The following EDNRA variants were observed in gnomAD, a reference collection of about 807,000 sequenced individuals.
EDNRA encodes the protein endothelin receptor type A.
EDNRA carries 11 observed loss-of-function variants against 41.4 expected under a neutral mutation model. The ratio of observed to expected loss-of-function variants is 0.27; its 90% CI spans 0.17 to 0.44. The LOEUF is 0.44. Among genes scored for constraint, EDNRA ranks in the 20% least tolerant of loss-of-function variants. EDNRA has a pLI of 1.00. For missense variants in EDNRA, 294 were observed against 531.0 expected (o/e 0.55, Z 4.39); for synonymous variants, 172 against 183.0 (o/e 0.94, Z 0.49).
chr4:147,500,051 C>T (rs964459027), intron 2 of EDNRA, among the ~76,000 whole-genome samples: 26 of 151,802 alleles, frequency 1.7e-4, no homozygotes, highest in African/African-American at 5.1e-4. Flanking sequence ...GTGGTCTGCC[C>T]GCCTCAGCCT....
At chr4:147,492,089 T>G (rs574219052) in intron 2 of EDNRA, 1 of 152,420 alleles carries the variant, frequency 6.6e-6, no homozygotes, top group South Asian at 2.1e-4. Context: ...GATCTCAGCT[T>G]AATCATCTCT....
intron 2 of EDNRA, among the ~76,000 whole-genome samples, chr4:147,509,001 A>G (rs1365386852): frequency 6.6e-6 from 1 of 152,230 alleles, no homozygotes; most frequent in Non-Finnish European, 1.5e-5. Context: ...TAGGAATTGC[A>G]TTGACCCTTT....
In EDNRA at chr4:147,481,131, G is replaced by A. The variant is rs1728735028; in HGVS notation, c.-316G>A. 6.6e-6 allele frequency: 1 copy of A among 152,264 alleles called. No individual in the cohort carries two copies. The highest frequency in any genetic ancestry group is 2.1e-4 in the South Asian group (1 of 4,838). 9.4% of individuals were successfully genotyped at this position (152,264 alleles called of 1,614,324 possible). A position where few individuals can be genotyped will look rare whatever the true frequency, so the allele number is the denominator to read the frequency against. ...GCTGGTCTGACGATTGTGGAGAGGC[G>A]GTGGAGAGGCTTCATCCATCCCACC... On this transcript the variant is annotated 5_prime_UTR_variant, in exon 1 of 8. Coordinates refer to ENST00000651419, the MANE Select transcript of EDNRA (RefSeq NM_001957.4).
intron 3 of EDNRA, among the ~76,000 whole-genome samples, chr4:147,532,093 A>C (rs1391700916): frequency 6.7e-6 from 1 of 149,064 alleles, no homozygotes; most frequent in Non-Finnish European, 1.5e-5. Flanking sequence ...CAGACGGATC[A>C]CGAGGTCAGG....
chr4:147,487,196 C>T (rs773023587), intron 2 of EDNRA, among the ~76,000 whole-genome samples: 5 of 152,144 alleles, frequency 3.3e-5, no homozygotes, highest in Non-Finnish European at 5.9e-5. Context: ...AGCCAGACAC[C>T]TCCCACCAGT....
Position 147,544,840 on chromosome 4 carries a change from A to G in EDNRA, c.*2222A>G, listed in dbSNP as rs1731235372. ...TGGTTTACTAGCAGGAATATTTCCA[A>G]TTTCTACCTTTACTACATCTTTTCA... is the stretch of plus-strand genomic sequence containing the variant. On this transcript the variant is annotated 3_prime_UTR_variant, in exon 8 of 8. Coordinates refer to ENST00000651419, the MANE Select transcript of EDNRA (RefSeq NM_001957.4). The G allele has an allele frequency of 6.6e-6, 1 of 152,618 alleles. No individual in the cohort carries two copies. The highest frequency in any genetic ancestry group is 1.5e-5 in the Non-Finnish European group (1 of 68,032). The allele number at this position is 152,618 out of a possible 1,614,324, so 9.5% of individuals were successfully genotyped here. A position where few individuals can be genotyped will look rare whatever the true frequency, so the allele number is the denominator to read the frequency against.
intron 5 of EDNRA, among the ~76,000 whole-genome samples, chr4:147,538,897 T>C (rs1731003887): frequency 6.6e-6 from 1 of 152,226 alleles, no homozygotes; most frequent in Non-Finnish European, 1.5e-5. Flanking sequence ...CAGTTTTATT[T>C]TGACATTAAC....
chr4:147,526,676 G>T (rs1730561143), intron 3 of EDNRA, among the ~76,000 whole-genome samples: 1 of 152,190 alleles, frequency 6.6e-6, no homozygotes, highest in Admixed American at 6.5e-5. Flanking sequence ...ATTGGAATTG[G>T]CCAAGCAGTT....
rs1370562714 is a variant in EDNRA at position 147,481,275 on chromosome 4, A to T, written c.-172A>T. The T allele has an allele frequency of 2.6e-5, 4 of 153,034 alleles. No homozygotes were observed. Among genetic ancestry groups the T allele is most frequent in the Non-Finnish European group, 5.9e-5 (4 of 68,328 alleles). 9.5% of individuals were successfully genotyped at this position (153,034 alleles called of 1,614,324 possible). A position where few individuals can be genotyped will look rare whatever the true frequency, so the allele number is the denominator to read the frequency against. The stretch of plus-strand genomic sequence containing the variant: ...AGCCGCCGCCGCGCCGGAGCCCGGG[A>T]CACCGGCCACCCTCCGCGCCACCCA... On this transcript the variant is annotated 5_prime_UTR_variant, in exon 1 of 8. Transcript: ENST00000651419.
rs1387458534 is a variant in EDNRA, at chr4:147,537,984, T to G, written c.901-1833T>G. Among the ~76,000 whole-genome samples the G allele has an allele frequency of 5.3e-5, 8 of 152,322 alleles. No homozygotes were observed. The East Asian group carries it at 1.5e-3, about 29-fold the overall frequency. ...CTCATAGTTTTGCTTCTTGCTTGGT[T>G]GTCTCTAATTTCTCCTCATCATAAT... is the stretch of plus-strand genomic sequence containing the variant. On this transcript the variant is annotated intron_variant, in intron 5 of 7. Transcript: ENST00000651419.
At chr4:147,533,822 A>G (rs566674514) in intron 4 of EDNRA, among the ~76,000 whole-genome samples, 1 of 152,178 alleles carries the variant, frequency 6.6e-6, no homozygotes, top group East Asian at 1.9e-4. Context: ...ACAAAATGAA[A>G]TGGGCTGTTT....
At chr4:147,521,619 A>G (rs1730323106) in intron 3 of EDNRA, among the ~76,000 whole-genome samples, 3 of 152,202 alleles carry the variant, frequency 2.0e-5, no homozygotes, top group South Asian at 4.1e-4. Flanking sequence ...AAAATGTTAT[A>G]TTATCTAAAA....
intron 2 of EDNRA, among the ~76,000 whole-genome samples, chr4:147,510,895 TA>T (rs1423816701): frequency 1.3e-5 from 2 of 152,230 alleles, no homozygotes; most frequent in East Asian, 3.8e-4. Flanking sequence ...ATGGAGTTAA[TA>T]ATAGTTTCAG....
In EDNRA at chr4:147,543,271, CAA is replaced by C. The variant is rs1731177020; in HGVS notation, c.*654_*655del. 1 of 152,040 alleles carries C rather than the reference CAA, an allele frequency of 6.6e-6. No individual in the cohort carries two copies. Among genetic ancestry groups the C allele is most frequent in the Non-Finnish European group, 1.5e-5 (1 of 68,014 alleles). 9.4% of individuals were successfully genotyped at this position (152,040 alleles called of 1,614,324 possible). On this transcript the variant is annotated 3_prime_UTR_variant, in exon 8 of 8. Transcript: ENST00000651419. ...TTTTAAAACACAAATTCTAAAGCTA[CAA>C]CAAATACTACAGGCCCTTAAAGCAC...
intron 6 of EDNRA, 92 bp downstream of exon 6, chr4:147,540,042 T>A: frequency 6.7e-7 from 1 of 1,488,204 alleles, no homozygotes. Flanking sequence ...ACATGCCCGT[T>A]AGCCCTGAAA....
chr4:147,532,793 A>G (rs1391605282), intron 4 of EDNRA, 89 bp downstream of exon 4: 5 of 1,341,476 alleles, frequency 3.7e-6, no homozygotes, highest in Admixed American at 1.8e-5. Flanking sequence ...CATCGCCACA[A>G]TGTCAAGTGT....
At chr4:147,539,217 C>CA (rs1161496377) in intron 5 of EDNRA, among the ~76,000 whole-genome samples, 4 of 151,534 alleles carry the variant, frequency 2.6e-5, no homozygotes, top group Admixed American at 1.3e-4. Context: ...ATTTAAAGAG[C>CA]AAAAAATCCC....
At chr4:147,539,695 T>G (rs1252135372) in intron 5 of EDNRA, 122 bp from the exon 6 acceptor site, 1 of 1,146,524 alleles carries the variant, frequency 8.7e-7, no homozygotes, top group Non-Finnish European at 1.2e-6. Context: ...GCCAGGCTGT[T>G]CTCCTGGCTC....
At chr4:147,499,396 G>A (rs1175880804) in intron 2 of EDNRA, among the ~76,000 whole-genome samples, 2 of 152,124 alleles carry the variant, frequency 1.3e-5, no homozygotes, top group East Asian at 3.9e-4. Flanking sequence ...AAATAATGAA[G>A]GGACCATTTC....
Sources: allele counts gnomAD v4.1 joint callset (sites outside exome capture counted in the v4.1 genomes callset), GRCh38; gene constraint gnomAD v4.1.1; transcripts MANE v1.5; gene names NCBI Gene and HGNC (gene_info 2026-07-23, HGNC 2026-07-21).